Variants in CPQ observed in about 807,000 individuals in gnomAD.
The protein encoded by CPQ is carboxypeptidase Q.
CPQ carries 37 observed loss-of-function variants against 45.7 expected under a neutral mutation model. The ratio of observed to expected loss-of-function variants is 0.81; its 90% CI spans 0.62 to 1.07. The LOEUF is 1.07. CPQ is among the 50% of genes least tolerant of loss of function. CPQ has a pLI of 0.00. For missense variants in CPQ, 537 were observed against 572.9 expected, an observed-to-expected ratio of 0.94 and a Z score of 0.64; for synonymous variants, 186 against 205.8, an observed-to-expected ratio of 0.90 and a Z score of 0.82.
chr8:96,835,031 A>G lies in CPQ; in HGVS notation c.492A>G (p.Ser164=), dbSNP rs374079160. Residue 164 remains serine (S), a synonymous_variant, in exon 3 of 8, where the codon TCA becomes TCG. Coordinates refer to ENST00000220763, the MANE Select transcript of CPQ (RefSeq NM_016134.4). ...TCGATGAACTGCAGAGAAGGGCCTC[A>G]GAAGCAAGAGGGAAGATTGTTGTTT... is the stretch of plus-strand genomic sequence containing the variant. ...TSFDELQRRA[S]EARGKIVVYN... The G allele has an allele frequency of 7.4e-6, 12 of 1,613,908 alleles. No individual in the cohort carries two copies. Among genetic ancestry groups the G allele is most frequent in the Non-Finnish European group, 1.0e-5 (12 of 1,179,884 alleles).
At chr8:97,090,241 C>A (rs1488323046) in intron 7 of CPQ, among the ~76,000 whole-genome samples, 1 of 152,140 alleles carries the variant, frequency 6.6e-6, no homozygotes, top group Non-Finnish European at 1.5e-5. Context: ...ACTCAGTTTT[C>A]TAGTGTGTGA....
chr8:96,888,686 C>A (rs761674804), intron 4 of CPQ, among the ~76,000 whole-genome samples: 8 of 152,148 alleles, frequency 5.3e-5, no homozygotes, highest in Non-Finnish European at 1.2e-4. Context: ...TGCTGATGTG[C>A]ACTGGGAATC....
rs573390064 is a variant in CPQ at position 97,121,497 on chromosome 8, A to T, written c.1256-21523A>T. ...AGACTCACTCTGGTAAAACTTAAAA[A>T]CAAGACTTGAAAGGATCAAGTACAT... On this transcript the variant is annotated intron_variant, in intron 7 of 7. Transcript: ENST00000220763. Among the ~76,000 whole-genome samples the T allele has an allele frequency of 3.9e-5, 6 of 152,330 alleles. No individual in the cohort carries two copies. In the East Asian group the frequency reaches 1.2e-3, roughly 29 times the overall value.
intron 5 of CPQ, among the ~76,000 whole-genome samples, chr8:96,994,799 C>G (rs1809150880): frequency 6.6e-6 from 1 of 151,998 alleles, no homozygotes; most frequent in Admixed American, 6.6e-5. Context: ...CCTGCTTGGA[C>G]ACTAAATTAT....
intron 2 of CPQ, among the ~76,000 whole-genome samples, chr8:96,813,631 T>A (rs138877176): frequency 6.6e-6 from 1 of 152,086 alleles, no homozygotes; most frequent in Non-Finnish European, 1.5e-5. Flanking sequence ...TTGAGGAAAT[T>A]ATGATGAAAA....
chr8:96,962,841 A>G (rs2130357036), intron 4 of CPQ, among the ~76,000 whole-genome samples: 1 of 152,306 alleles, frequency 6.6e-6, no homozygotes, highest in Admixed American at 6.5e-5. Context: ...GTCATTACCT[A>G]GTTTTAAATC....
chr8:97,035,146 C>A (rs1809976571), intron 6 of CPQ, among the ~76,000 whole-genome samples: 1 of 152,176 alleles, frequency 6.6e-6, no homozygotes, highest in Non-Finnish European at 1.5e-5. Flanking sequence ...CTGCCTCGGC[C>A]TCCTAAAGTG....
chr8:96,725,389 A>C (rs559635655), intron 1 of CPQ, among the ~76,000 whole-genome samples: 1 of 152,324 alleles, frequency 6.6e-6, no homozygotes, highest in South Asian at 2.1e-4. Context: ...TCAACAAACC[A>C]AAAACTAATA....
At chr8:96,751,018 T>G (rs1295417952) in intron 1 of CPQ, among the ~76,000 whole-genome samples, 3 of 152,242 alleles carry the variant, frequency 2.0e-5, no homozygotes, top group African/African-American at 7.2e-5. Context: ...TACCACATTT[T>G]CTTTATCCAG....
intron 2 of CPQ, among the ~76,000 whole-genome samples, chr8:96,822,260 T>C (rs533297491): frequency 6.6e-6 from 1 of 152,136 alleles, no homozygotes; most frequent in African/African-American, 2.4e-5. Flanking sequence ...GAATAGTAAT[T>C]CCATTGTGCC....
At chr8:96,809,780 T>C (rs1811136433) in intron 2 of CPQ, among the ~76,000 whole-genome samples, 2 of 152,100 alleles carry the variant, frequency 1.3e-5, no homozygotes, top group South Asian at 4.2e-4. Context: ...TAAAAATAGT[T>C]CCCTCATGAA....
rs34830752 is a variant in CPQ, at chr8:97,099,115, CTTTT to C, written c.1255+32929_1255+32932del. Among the ~76,000 whole-genome samples, 21 of 66,338 alleles carry C rather than the reference CTTTT, an allele frequency of 3.2e-4. No individual in the cohort carries two copies. In the South Asian group the frequency reaches 4.0e-3, roughly 13 times the overall value. 43.5% of individuals were successfully genotyped at this position (66,338 alleles called of 152,430 possible). A position where few individuals can be genotyped will look rare whatever the true frequency, so the allele number is the denominator to read the frequency against. ...GAAGTCCCAAAACTCCCTTCTCTCT[CTTTT>C]TTTTTTTTTTTTTTTTTTTTTTTGT... On this transcript the variant is annotated intron_variant, in intron 7 of 7. Transcript: ENST00000220763.
chr8:96,824,803 TATTC>T (rs1203742356), intron 2 of CPQ, among the ~76,000 whole-genome samples: 2 of 152,094 alleles, frequency 1.3e-5, no homozygotes, highest in Non-Finnish European at 2.9e-5. Flanking sequence ...AAAAACTTCC[TATTC>T]ATTTTGTTGA....
intron 7 of CPQ, among the ~76,000 whole-genome samples, chr8:97,128,763 C>T (rs4735444): frequency 0.27 from 40,742 of 152,086 alleles, 6,123 homozygotes; most frequent in East Asian, 0.61. Context: ...AATGAATGCA[C>T]GCCTGGAGAG....
chr8:96,727,293 C>T (rs995494016), intron 1 of CPQ, among the ~76,000 whole-genome samples: 15 of 152,142 alleles, frequency 9.9e-5, no homozygotes, highest in African/African-American at 3.6e-4. Flanking sequence ...AGTCCTGTCC[C>T]TACAGTTCCC....
intron 4 of CPQ, among the ~76,000 whole-genome samples, chr8:96,937,811 A>T (rs1367266919): frequency 6.6e-6 from 1 of 152,154 alleles, no homozygotes; most frequent in East Asian, 1.9e-4. Context: ...TGCTTCTAAG[A>T]TATCTTTTAG....
chr8:96,962,170 G>A (rs1411981091), intron 4 of CPQ, among the ~76,000 whole-genome samples: 3 of 152,160 alleles, frequency 2.0e-5, no homozygotes, highest in Non-Finnish European at 4.4e-5. Flanking sequence ...CATTCCCAAG[G>A]TAGTCAGGGC....
chr8:97,140,622 A>T (rs1563592781), intron 7 of CPQ, among the ~76,000 whole-genome samples: 1 of 152,052 alleles, frequency 6.6e-6, no homozygotes, highest in South Asian at 2.1e-4. Context: ...TAATAAAAAG[A>T]TGTTCGGTTC....
At chr8:96,801,559 A>T (rs1811007992) in intron 2 of CPQ, among the ~76,000 whole-genome samples, 1 of 152,098 alleles carries the variant, frequency 6.6e-6, no homozygotes, top group Non-Finnish European at 1.5e-5. Flanking sequence ...CTTCATTTCT[A>T]AGCTTTTAAG....
Sources: allele counts gnomAD v4.1 joint callset (sites outside exome capture counted in the v4.1 genomes callset), GRCh38; gene constraint gnomAD v4.1.1; transcripts MANE v1.5; gene names NCBI Gene and HGNC (gene_info 2026-07-23, HGNC 2026-07-21).